The following CDC5L variants were observed in gnomAD, a reference collection of about 807,000 sequenced individuals.
CDC5L encodes the protein cell division cycle 5-like protein.
In CDC5L, 18 loss-of-function variants were observed where a neutral mutation model predicts 104.1. The observed-to-expected ratio is 0.17, with a 90% CI of 0.12 to 0.26. CDC5L has a LOEUF of 0.26. Among genes scored for constraint, CDC5L ranks in the 10% least tolerant of loss-of-function variants. The pLI is 1.00. For missense variants in CDC5L, 673 were observed against 956.9 expected, an observed-to-expected ratio of 0.70 and a Z score of 3.91; for synonymous variants, 331 against 322.7, an observed-to-expected ratio of 1.03 and a Z score of -0.28.
At chr6:44,426,246 T>G in intron 12 of CDC5L, 63 bp downstream of exon 12, 3 of 1,189,224 alleles carry the variant, frequency 2.5e-6, no homozygotes, top group Non-Finnish European at 3.7e-6. Flanking sequence ...TGCTGCGTTT[T>G]ACATCATTCA....
rs1029937361 is a variant in CDC5L at position 44,449,603 on chromosome 6, C to T, written c.*2892C>T. 3.3e-5 allele frequency: 5 copies of T among 152,164 alleles called. No homozygotes were observed. Among genetic ancestry groups the T allele is most frequent in the African/African-American group, 1.2e-4 (5 of 41,446 alleles). 9.4% of individuals were successfully genotyped at this position (152,164 alleles called of 1,614,324 possible). A position where few individuals can be genotyped will look rare whatever the true frequency, so the allele number is the denominator to read the frequency against. ...ACTTGTGTTAAGCATGTTAAAGTCTCAGTAACTTTGGGATAGAAATAAAAT... is the reference window on the plus strand; with the variant it reads ...ACTTGTGTTAAGCATGTTAAAGTCTTAGTAACTTTGGGATAGAAATAAAAT... On this transcript the variant is annotated 3_prime_UTR_variant, in exon 16 of 16. Coordinates refer to ENST00000371477, the MANE Select transcript of CDC5L (RefSeq NM_001253.4).
Position 44,443,331 on chromosome 6 carries a change from G to T in CDC5L, c.2092-2324G>T, listed in dbSNP as rs1226382777. Among the ~76,000 whole-genome samples the T allele has an allele frequency of 2.6e-5, 4 of 151,572 alleles. No homozygotes were observed. In the East Asian group the frequency reaches 7.8e-4, roughly 29 times the overall value. ...TTTTAATTGTGATGTGTCTTGGTGG[G>T]TCTCTTTGAATTTATCTTATTTGGT... On this transcript the variant is annotated intron_variant, in intron 14 of 15. Transcript: ENST00000371477.
intron 4 of CDC5L, among the ~76,000 whole-genome samples, chr6:44,395,853 T>C (rs1185155241): frequency 1.3e-5 from 2 of 152,186 alleles, no homozygotes; most frequent in Non-Finnish European, 2.9e-5. Context: ...ACGAAAAATG[T>C]ATTGGATGAG....
chr6:44,426,093 C>T lies in CDC5L; in HGVS notation c.1570-10C>T, dbSNP rs759069651. 1.4e-5 allele frequency: 22 copies of T among 1,565,328 alleles called. No individual in the cohort carries two copies. The highest frequency in any genetic ancestry group is 2.8e-5 in the African/African-American group (2 of 71,476). ...TAGCTGCAATAAAGGATATAAAAATCATTTTTTAGGCCATACGAGATGCAG... is the reference window on the plus strand; with the variant it reads ...TAGCTGCAATAAAGGATATAAAAATTATTTTTTAGGCCATACGAGATGCAG... On this transcript the variant is annotated splice_polypyrimidine_tract_variant and intron_variant, in intron 11 of 15. Coordinates refer to ENST00000371477, the MANE Select transcript of CDC5L (RefSeq NM_001253.4).
At chr6:44,390,909 G>A (rs1790559774) in intron 2 of CDC5L, among the ~76,000 whole-genome samples, 1 of 141,152 alleles carries the variant, frequency 7.1e-6, no homozygotes, top group African/African-American at 2.7e-5. Context: ...CATACTTAAT[G>A]TTATATATTA....
chr6:44,434,658 G>C (rs1185239553), intron 14 of CDC5L, among the ~76,000 whole-genome samples: 1 of 152,188 alleles, frequency 6.6e-6, no homozygotes, highest in Non-Finnish European at 1.5e-5. Flanking sequence ...GTTTCAGTGA[G>C]GGGTGCTCTT....
rs957626630 is a variant in CDC5L at position 44,445,542 on chromosome 6, T to A, written c.2092-113T>A. The A allele has an allele frequency of 1.4e-5, 9 of 652,718 alleles. No individual in the cohort carries two copies. In the African/African-American group the frequency reaches 1.6e-4, roughly 12 times the overall value. The allele number at this position is 652,718 out of a possible 1,614,324, so 40.4% of individuals were successfully genotyped here. On this transcript the variant is annotated intron_variant, in intron 14 of 15. Coordinates refer to ENST00000371477, the MANE Select transcript of CDC5L (RefSeq NM_001253.4). ...ACAGTAATTGAGCTATAAGGAGTTC[T>A]AGTGTATTTTTGCTTTGAGACACAT...
Position 44,408,678 on chromosome 6 carries a change from C to T in CDC5L, c.1092+46C>T, listed in dbSNP as rs370106997. On this transcript the variant is annotated intron_variant, in intron 8 of 15. Coordinates refer to ENST00000371477, the MANE Select transcript of CDC5L (RefSeq NM_001253.4). ...ATGAGGCTTTTACTTTGTTTATTGT[C>T]CTTAGAAGTATCATGCAGGAGAACT... is the stretch of plus-strand genomic sequence containing the variant. 1.0e-4 allele frequency: 145 copies of T among 1,394,386 alleles called. 1 individual carries two copies. The East Asian group carries it at 2.1e-3, about 21-fold the overall frequency. The allele number at this position is 1,394,386 out of a possible 1,614,324, so 86.4% of individuals were successfully genotyped here.
At chr6:44,391,632 A>G (rs1448832388) in intron 2 of CDC5L, among the ~76,000 whole-genome samples, 3 of 152,166 alleles carry the variant, frequency 2.0e-5, no homozygotes, top group South Asian at 4.1e-4. Context: ...ACCATCCCCA[A>G]GTCATGTGGC....
At chr6:44,389,713 AT>A (rs1410788924) in intron 1 of CDC5L, among the ~76,000 whole-genome samples, 7 of 152,194 alleles carry the variant, frequency 4.6e-5, no homozygotes. Flanking sequence ...GGGAAATGCC[AT>A]GTATAAACTT....
intron 8 of CDC5L, among the ~76,000 whole-genome samples, chr6:44,414,456 A>G (rs1411339214): frequency 2.2e-5 from 3 of 137,638 alleles, no homozygotes; most frequent in Non-Finnish European, 3.1e-5. Context: ...ATAGCTATTC[A>G]TCTTCTTTAC....
rs57508430 is a variant in CDC5L at position 44,394,891 on chromosome 6, TACACACACACACACACAC to T, written c.439+1329_439+1346del. Among the ~76,000 whole-genome samples the T allele has an allele frequency of 1.4e-4, 18 of 126,010 alleles. 1 individual carries two copies. Among genetic ancestry groups the T allele is most frequent in the African/African-American group, 5.0e-4 (16 of 32,130 alleles). The allele number at this position is 126,010 out of a possible 152,430, so 82.7% of individuals were successfully genotyped here. ...AAAAAAAAAAAAAAAAAAAATGGTA[TACACACACACACACACAC>T]ACACACACACGAATACTATTTGGTC... On this transcript the variant is annotated intron_variant, in intron 4 of 15. Transcript: ENST00000371477.
chr6:44,425,963 G>A, intron 11 of CDC5L, 140 bp from the exon 12 acceptor site: 1 of 531,454 alleles, frequency 1.9e-6, no homozygotes, highest in Non-Finnish European at 3.4e-6. Context: ...CCTTAGCATT[G>A]CCTTTCTACA....
At chr6:44,398,040 C>T (rs760412874) in intron 5 of CDC5L, among the ~76,000 whole-genome samples, 1 of 152,136 alleles carries the variant, frequency 6.6e-6, no homozygotes, top group Non-Finnish European at 1.5e-5. Flanking sequence ...ACCTGATGAC[C>T]AGCATTATGT....
In CDC5L at chr6:44,446,678, G is replaced by C. The variant is rs1793468573; in HGVS notation, c.2376G>C (p.Leu792=). ...KELQHRYADL[L]LEKETLKSKF ...TTCAACATAGATATGCTGATTTGCT[G>C]CTGGAGAAAGAGACTTTAAAGTCAA... is the stretch of plus-strand genomic sequence containing the variant. Residue 792 remains leucine (L), a synonymous_variant, in exon 16 of 16, where the codon CTG becomes CTC. Transcript: ENST00000371477. The C allele has an allele frequency of 1.9e-6, 3 of 1,587,370 alleles. No individual in the cohort carries two copies. Among genetic ancestry groups the C allele is most frequent in the Non-Finnish European group, 2.6e-6 (3 of 1,164,644 alleles).
At chr6:44,429,631 G>A in intron 13 of CDC5L, 82 bp from the exon 14 acceptor site, 1 of 1,237,950 alleles carries the variant, frequency 8.1e-7, no homozygotes, top group Non-Finnish European at 1.1e-6. Context: ...AGGCATGAGG[G>A]AAAAAATTAG....
chr6:44,426,497 C>G lies in CDC5L; in HGVS notation c.1666C>G (p.Leu556Val), dbSNP rs1406779852. Reference protein sequence around the residue: ...PRPSEVNETILRPLNVEPPLT... With the variant: ...PRPSEVNETIVRPLNVEPPLT... ...AAAATTTTAGGTAAATGAAACTATT[C>G]TAAGACCCTTAAATGTAGAACCGCC... Residue 556 changes from leucine (L) to valine (V), a missense_variant, in exon 13 of 16, where the codon CTA becomes GTA. Coordinates refer to ENST00000371477, the MANE Select transcript of CDC5L (RefSeq NM_001253.4). The G allele has an allele frequency of 2.0e-6, 3 of 1,518,380 alleles. No homozygotes were observed. Among genetic ancestry groups the G allele is most frequent in the African/African-American group, 2.7e-5 (2 of 72,756 alleles). The allele number at this position is 1,518,380 out of a possible 1,614,324, so 94.1% of individuals were successfully genotyped here.
chr6:44,441,189 A>C (rs1466252696), intron 14 of CDC5L, among the ~76,000 whole-genome samples: 11 of 152,088 alleles, frequency 7.2e-5, no homozygotes, highest in Admixed American at 6.5e-4. Context: ...TGTACTCTCT[A>C]CTTCTATGAG....
intron 14 of CDC5L, among the ~76,000 whole-genome samples, chr6:44,430,933 G>C (rs1167849570): frequency 1.3e-5 from 2 of 152,200 alleles, no homozygotes; most frequent in African/African-American, 4.8e-5. Flanking sequence ...TGGGATGGGA[G>C]AGAAGGGGTA....
Sources: gnomAD v4.1 joint callset for allele counts (sites outside exome capture counted in the v4.1 genomes callset) on GRCh38, gnomAD v4.1.1 for gene constraint, MANE v1.5 for transcripts, NCBI Gene and HGNC (gene_info 2026-07-23, HGNC 2026-07-21) for gene names.